Variants in RNF180 observed in about 807,000 individuals in gnomAD.
RNF180 encodes E3 ubiquitin-protein ligase RNF180.
Under a neutral mutation model 59.2 loss-of-function variants are expected in RNF180, and 38 were observed. The ratio of observed to expected loss-of-function variants is 0.64; its 90% CI spans 0.50 to 0.84. The LOEUF is 0.84. Among genes scored for constraint, RNF180 ranks in the 40% least tolerant of loss-of-function variants. The pLI, the probability that RNF180 is intolerant of heterozygous loss-of-function variation, is 0.00. For synonymous variants in RNF180, 262 were observed against 240.3 expected (o/e 1.09, Z -0.84); for missense variants, 705 against 700.9 (o/e 1.01, Z -0.07).
At chr5:64,366,922 A>G (rs1746475820) in intron 7 of RNF180, among the ~76,000 whole-genome samples, 1 of 151,610 alleles carries the variant, frequency 6.6e-6, no homozygotes, top group South Asian at 2.1e-4. Context: ...GGTTTCCTCC[A>G]TGGTACATAT....
At chr5:64,276,047 A>G (rs1463073897) in intron 5 of RNF180, among the ~76,000 whole-genome samples, 1 of 152,034 alleles carries the variant, frequency 6.6e-6, no homozygotes, top group Non-Finnish European at 1.5e-5. Flanking sequence ...CCAGAGATCC[A>G]TCAGCATCTT....
intron 7 of RNF180, among the ~76,000 whole-genome samples, chr5:64,332,779 CATT>C (rs1744964223): frequency 6.6e-6 from 1 of 152,136 alleles, no homozygotes; most frequent in Admixed American, 6.5e-5. Context: ...ACAATTATGA[CATT>C]ATGGGACCTG....
chr5:64,307,397 G>T (rs951780231), intron 5 of RNF180, among the ~76,000 whole-genome samples: 3 of 151,338 alleles, frequency 2.0e-5, no homozygotes, highest in Non-Finnish European at 4.4e-5. Context: ...AATAGAGAAA[G>T]ACAAAATGAA....
Position 64,239,018 on chromosome 5 carries a change from A to G in RNF180, c.1227+21622A>G, listed in dbSNP as rs149046730. Among the ~76,000 whole-genome samples the G allele has an allele frequency of 4.1e-3, 618 of 152,290 alleles. 6 individuals carry two copies. The highest frequency in any genetic ancestry group is 0.014 in the African/African-American group (565 of 41,570). ...TAATAATTTTGAGGAATAATTTTATAATGATGATTCATGCTTTATGGGTGT... is the reference window on the plus strand; with the variant it reads ...TAATAATTTTGAGGAATAATTTTATGATGATGATTCATGCTTTATGGGTGT... On this transcript the variant is annotated intron_variant, in intron 5 of 7. Transcript: ENST00000389100.
At chr5:64,253,609 C>T (rs1401878098) in intron 5 of RNF180, among the ~76,000 whole-genome samples, 2 of 152,018 alleles carry the variant, frequency 1.3e-5, no homozygotes, top group African/African-American at 2.4e-5. Context: ...GTGCTTCATT[C>T]CATTAAACTG....
chr5:64,216,378 A>G (rs1285613094), intron 4 of RNF180, among the ~76,000 whole-genome samples: 2 of 152,176 alleles, frequency 1.3e-5, no homozygotes, highest in Non-Finnish European at 2.9e-5. Context: ...AATAAAGATT[A>G]TGTAAACACT....
At chr5:64,325,646 G>A (rs2112523829) in intron 6 of RNF180, among the ~76,000 whole-genome samples, 1 of 152,280 alleles carries the variant, frequency 6.6e-6, no homozygotes, top group East Asian at 1.9e-4. Context: ...ACTGTAACTA[G>A]TAGTTGTTCA....
rs971703025 is a variant in RNF180, at chr5:64,184,065, T to C, written c.1-16743T>C. Among the ~76,000 whole-genome samples, 6 of 152,250 alleles carry C rather than the reference T, an allele frequency of 3.9e-5. No homozygotes were observed. In the South Asian group the frequency reaches 8.3e-4, roughly 21 times the overall value. ...TATACATAGAACAAATTTGGACACATAAAGACCTACTGGTTATGTGTGCCT... is the reference window on the plus strand; with the variant it reads ...TATACATAGAACAAATTTGGACACACAAAGACCTACTGGTTATGTGTGCCT... On this transcript the variant is annotated intron_variant, in intron 1 of 7. Coordinates refer to ENST00000389100, the MANE Select transcript of RNF180 (RefSeq NM_001113561.2).
At chr5:64,175,176 A>G (rs1429787223) in intron 1 of RNF180, among the ~76,000 whole-genome samples, 1 of 152,054 alleles carries the variant, frequency 6.6e-6, no homozygotes, top group East Asian at 1.9e-4. Flanking sequence ...CATGTTGGTC[A>G]GGCTGGTCTT....
chr5:64,286,732 G>GTATTAACTATATA (rs1363968630), intron 5 of RNF180, among the ~76,000 whole-genome samples: 5 of 152,084 alleles, frequency 3.3e-5, no homozygotes. Flanking sequence ...TCCAGTTAAG[G>GTATTAACTATATA]TATTAACTAT....
chr5:64,281,418 G>T (rs1219271083), intron 5 of RNF180, among the ~76,000 whole-genome samples: 1 of 152,168 alleles, frequency 6.6e-6, no homozygotes, highest in Non-Finnish European at 1.5e-5. Context: ...GCCTATTCAG[G>T]ATAATGTTGG....
intron 5 of RNF180, among the ~76,000 whole-genome samples, chr5:64,304,609 C>T (rs1215280915): frequency 6.6e-6 from 1 of 151,630 alleles, no homozygotes; most frequent in Non-Finnish European, 1.5e-5. Context: ...TGAATTGCTA[C>T]AATCTCATGA....
chr5:64,307,329 A>G (rs1580219953), intron 5 of RNF180, among the ~76,000 whole-genome samples: 1 of 151,622 alleles, frequency 6.6e-6, no homozygotes, highest in South Asian at 2.1e-4. Context: ...ACTTGGTTAA[A>G]CTGCATTTAA....
chr5:64,299,333 A>G (rs1458211980), intron 5 of RNF180, among the ~76,000 whole-genome samples: 1 of 151,892 alleles, frequency 6.6e-6, no homozygotes, highest in African/African-American at 2.4e-5. Flanking sequence ...ATTTATCAAA[A>G]TAGTCATTAT....
intron 1 of RNF180, among the ~76,000 whole-genome samples, chr5:64,199,655 C>T (rs561790329): frequency 2.0e-5 from 3 of 152,218 alleles, no homozygotes; most frequent in South Asian, 4.1e-4. Flanking sequence ...AAGTGTTGGA[C>T]GAATGAGAAC....
chr5:64,227,887 G>GT (rs1272086300), intron 5 of RNF180, among the ~76,000 whole-genome samples: 1 of 152,284 alleles, frequency 6.6e-6, no homozygotes, highest in African/African-American at 2.4e-5. Context: ...CTGCCAACCT[G>GT]TTTTTCTCTC....
chr5:64,216,239 T>C (rs1177749260), intron 4 of RNF180, among the ~76,000 whole-genome samples: 1 of 152,144 alleles, frequency 6.6e-6, no homozygotes, highest in Non-Finnish European at 1.5e-5. Context: ...TAAGTATACA[T>C]CGCAGTTAGA....
chr5:64,248,736 C>A (rs1392635583), intron 5 of RNF180, among the ~76,000 whole-genome samples: 3 of 152,190 alleles, frequency 2.0e-5, no homozygotes, highest in Non-Finnish European at 4.4e-5. Context: ...TACCTTTTGA[C>A]CCAGCAGTCT....
At chr5:64,310,635 TCTCA>T (rs1342429389) in intron 5 of RNF180, among the ~76,000 whole-genome samples, 3 of 151,884 alleles carry the variant, frequency 2.0e-5, no homozygotes, top group Non-Finnish European at 4.4e-5. Flanking sequence ...AATTTTTATT[TCTCA>T]CTCAAGTGAA....
Sources: allele counts gnomAD v4.1 joint callset (sites outside exome capture counted in the v4.1 genomes callset), GRCh38; gene constraint gnomAD v4.1.1; transcripts MANE v1.5; gene names NCBI Gene and HGNC (gene_info 2026-07-23, HGNC 2026-07-21).